ITGBL1: variants seen among roughly 807,000 people sequenced by gnomAD.
The protein encoded by ITGBL1 is integrin subunit beta like 1.
ITGBL1 carries 51 observed loss-of-function variants against 68.5 expected under a neutral mutation model. That is an observed-to-expected ratio of 0.74 (90% confidence interval 0.59 to 0.94). The LOEUF is 0.94. Ranked by LOEUF, ITGBL1 falls within the 40% of genes least tolerant of loss-of-function variation. The probability of loss-of-function intolerance (pLI) is 0.00; values close to 1 mark genes in which losing one functional copy is unlikely to be tolerated. For missense variants in ITGBL1, 649 were observed against 647.4 expected (o/e 1.00, Z -0.03); for synonymous variants, 209 against 227.3 (o/e 0.92, Z 0.72).
chr13:101,650,632 T>A (rs1427354230), intron 7 of ITGBL1, among the ~76,000 whole-genome samples: 1 of 151,938 alleles, frequency 6.6e-6, no homozygotes, highest in Non-Finnish European at 1.5e-5. Flanking sequence ...TTTTTTTTTT[T>A]TTTAGTCAAC....
intron 2 of ITGBL1, among the ~76,000 whole-genome samples, chr13:101,455,958 G>A (rs1048619027): frequency 3.9e-5 from 6 of 152,138 alleles, no homozygotes; most frequent in East Asian, 1.9e-4. Flanking sequence ...TGTGAGTGTC[G>A]TCAGATTCAC....
intron 2 of ITGBL1, among the ~76,000 whole-genome samples, chr13:101,554,541 G>A (rs1474846960): frequency 1.3e-5 from 2 of 152,200 alleles, no homozygotes; most frequent in Admixed American, 6.5e-5. Context: ...TTCCTTTGAA[G>A]CAATTATGGT....
chr13:101,605,981 TGTATA>T (rs1254697707), intron 7 of ITGBL1, among the ~76,000 whole-genome samples: 7 of 146,948 alleles, frequency 4.8e-5, no homozygotes, highest in African/African-American at 1.7e-4. Flanking sequence ...TGCATATATG[TGTATA>T]TATATGTGTA....
chr13:101,569,058 ACACACACACACACTT>A (rs1363666382), intron 3 of ITGBL1, among the ~76,000 whole-genome samples: 1 of 146,642 alleles, frequency 6.8e-6, no homozygotes, highest in African/African-American at 2.5e-5. Flanking sequence ...ACACACACAC[ACACACACACACACTT>A]CTCTACTTCC....
intron 4 of ITGBL1, 123 bp from the exon 5 acceptor site, chr13:101,579,164 G>A: frequency 1.0e-6 from 1 of 988,020 alleles, no homozygotes; most frequent in Non-Finnish European, 1.5e-6. Context: ...ATTATTTTAG[G>A]CAAGGAATGT....
At position 101,546,955 on chromosome 13, in the gene ITGBL1, T is replaced by G. The variant is rs375552249; in HGVS notation, c.317-20744T>G. Among the ~76,000 whole-genome samples the G allele has an allele frequency of 2.6e-5, 4 of 152,106 alleles. No homozygotes were observed. The East Asian group carries it at 5.8e-4, about 22-fold the overall frequency. The stretch of plus-strand genomic sequence containing the variant: ...TCAAATATTTTAGTATCAGTAGATC[T>G]CTATAATTTTAGAAAGAAAAGAATA... On this transcript the variant is annotated intron_variant, in intron 2 of 10. Coordinates refer to ENST00000376180, the MANE Select transcript of ITGBL1 (RefSeq NM_004791.3).
intron 7 of ITGBL1, among the ~76,000 whole-genome samples, chr13:101,659,247 C>G (rs1267425721): frequency 6.6e-6 from 1 of 151,934 alleles, no homozygotes; most frequent in African/African-American, 2.4e-5. Flanking sequence ...GCTTTAAGAA[C>G]AAATACTGTT....
intron 2 of ITGBL1, among the ~76,000 whole-genome samples, chr13:101,482,143 C>CA (rs1319696856): frequency 6.6e-6 from 1 of 152,132 alleles, no homozygotes; most frequent in African/African-American, 2.4e-5. Context: ...GAATGCGACA[C>CA]ATTTTCTTTA....
At chr13:101,641,722 C>A (rs949406345) in intron 7 of ITGBL1, among the ~76,000 whole-genome samples, 1 of 145,516 alleles carries the variant, frequency 6.9e-6, no homozygotes, top group Non-Finnish European at 1.5e-5. Context: ...CTCCCCCGAC[C>A]CCACAGCAGT....
intron 2 of ITGBL1, among the ~76,000 whole-genome samples, chr13:101,543,204 C>T (rs565553838): frequency 1.3e-5 from 2 of 152,206 alleles, no homozygotes; most frequent in South Asian, 4.1e-4. Context: ...ACTGGTTTTT[C>T]CTTTCCATGT....
rs140648683 is a variant in ITGBL1, at chr13:101,713,312, G to A, written c.1280-1126G>A. 51 of 152,196 alleles carry A rather than the reference G, an allele frequency of 3.4e-4. 1 individual carries two copies. Among genetic ancestry groups the A allele is most frequent in the African/African-American group, 1.0e-3 (43 of 41,508 alleles). 9.4% of individuals were successfully genotyped at this position (152,196 alleles called of 1,614,324 possible). Reference sequence around the variant, plus strand: ...CTGTTAACTCATTTTTAATCACTGTGTTTTAAAAGAAGCACTAATGATTGA... The same window carrying A: ...CTGTTAACTCATTTTTAATCACTGTATTTTAAAAGAAGCACTAATGATTGA... On this transcript the variant is annotated intron_variant, in intron 9 of 10. Coordinates refer to ENST00000376180, the MANE Select transcript of ITGBL1 (RefSeq NM_004791.3).
At chr13:101,534,432 A>G (rs1308776353) in intron 2 of ITGBL1, among the ~76,000 whole-genome samples, 1 of 152,178 alleles carries the variant, frequency 6.6e-6, no homozygotes, top group Non-Finnish European at 1.5e-5. Flanking sequence ...TAAAAGTGTA[A>G]GAGAAAGATG....
At chr13:101,557,627 C>T (rs954822) in intron 2 of ITGBL1, among the ~76,000 whole-genome samples, 123,483 of 152,072 alleles carry the variant, frequency 0.81, 50,327 homozygotes, top group African/African-American at 0.89. Context: ...GAGGTTTCAC[C>T]TATCTCGGGT....
At chr13:101,462,792 A>G (rs2048335128) in intron 2 of ITGBL1, among the ~76,000 whole-genome samples, 1 of 152,170 alleles carries the variant, frequency 6.6e-6, no homozygotes, top group African/African-American at 2.4e-5. Flanking sequence ...CATGTTGGCC[A>G]GGCTGGTCTC....
At chr13:101,537,149 T>C (rs1295117181) in intron 2 of ITGBL1, among the ~76,000 whole-genome samples, 1 of 152,028 alleles carries the variant, frequency 6.6e-6, no homozygotes, top group African/African-American at 2.4e-5. Flanking sequence ...TCCTGAGACA[T>C]GTGAAATTCA....
In ITGBL1 at chr13:101,535,916, A is replaced by T. The variant is rs551643767; in HGVS notation, c.317-31783A>T. Among the ~76,000 whole-genome samples, 12 of 152,184 alleles carry T rather than the reference A, an allele frequency of 7.9e-5. No individual in the cohort carries two copies. In the South Asian group the frequency reaches 2.5e-3, roughly 32 times the overall value. On this transcript the variant is annotated intron_variant, in intron 2 of 10. Transcript: ENST00000376180. ...TTGATAATTGGCTTAATTTGTGTTG[A>T]AATAGAGTTTTTAAAGTATATTTCT... is the stretch of plus-strand genomic sequence containing the variant.
rs75968441 is a variant in ITGBL1, at chr13:101,693,194, G to T, written c.1132+493G>T. 3.2e-3 allele frequency among the ~76,000 whole-genome samples: 494 copies of T among 152,256 alleles called. 9 individuals are homozygous for T. The East Asian group carries it at 0.067, about 21-fold the overall frequency. On this transcript the variant is annotated intron_variant, in intron 8 of 10. Coordinates refer to ENST00000376180, the MANE Select transcript of ITGBL1 (RefSeq NM_004791.3). ...AGAGAATGAGTGAGGCAGATAGAAGGTAGTGAGCAGAGGTAACCCACAAAA... is the reference window on the plus strand; with the variant it reads ...AGAGAATGAGTGAGGCAGATAGAAGTTAGTGAGCAGAGGTAACCCACAAAA...
intron 2 of ITGBL1, among the ~76,000 whole-genome samples, chr13:101,455,240 G>T (rs9557652): frequency 0.14 from 20,986 of 152,180 alleles, 1,805 homozygotes; most frequent in East Asian, 0.38. Context: ...CGGAACCTGG[G>T]CCCAGTAGTG....
At chr13:101,600,929 GT>G in intron 7 of ITGBL1, among the ~76,000 whole-genome samples, 1 of 152,144 alleles carries the variant, frequency 6.6e-6, no homozygotes, top group Non-Finnish European at 1.5e-5. Flanking sequence ...CCAGGCTTTG[GT>G]ATCAGGATGA....
Sources: gnomAD v4.1 joint callset for allele counts (sites outside exome capture counted in the v4.1 genomes callset) on GRCh38, gnomAD v4.1.1 for gene constraint, MANE v1.5 for transcripts, NCBI Gene and HGNC (gene_info 2026-07-23, HGNC 2026-07-21) for gene names.